The following TTC17 variants were observed in gnomAD, a reference collection of about 807,000 sequenced individuals.
The protein encoded by TTC17 is tetratricopeptide repeat domain 17, also known as tetratricopeptide repeat protein 17.
In TTC17, 58 loss-of-function variants were observed where a neutral mutation model predicts 143.8. The observed-to-expected ratio is 0.40, with a 90% confidence interval of 0.33 to 0.50. The LOEUF (loss-of-function observed/expected upper bound fraction) is 0.50, where lower values mean the gene tolerates loss of function less well. TTC17 is among the 20% of genes least tolerant of loss of function. TTC17 has a pLI of 0.49. For missense variants in TTC17, 1,273 were observed against 1,392.5 expected, an observed-to-expected ratio of 0.91 and a Z score of 1.37; for synonymous variants, 501 against 497.8, an observed-to-expected ratio of 1.01 and a Z score of -0.09.
intron 2 of TTC17, 97 bp downstream of exon 2, chr11:43,379,419 T>C (rs1590325776): frequency 9.4e-6 from 10 of 1,068,792 alleles, no homozygotes; most frequent in Non-Finnish European, 1.4e-5. Context: ...ATTTTTTAAG[T>C]CTGAGTCTTC....
chr11:43,456,215 A>ACACCG (rs1564971024), intron 21 of TTC17, among the ~76,000 whole-genome samples: 1 of 142,216 alleles, frequency 7.0e-6, no homozygotes, highest in Non-Finnish European at 1.5e-5. Context: ...CACACACACC[A>ACACCG]CTTAGCAGAA....
chr11:43,370,084 G>T, intron 1 of TTC17: 1 of 455,506 alleles, frequency 2.2e-6, no homozygotes, highest in Non-Finnish European at 4.4e-6. Context: ...GACAGTTATA[G>T]CCAGGAGCCC....
chr11:43,378,894 A>G (rs112982812), intron 1 of TTC17: 2,888 of 232,826 alleles, frequency 0.012, 43 homozygotes, highest in South Asian at 0.025. Context: ...AAACAAGACA[A>G]TTCATTTTTT....
At position 43,407,131 on chromosome 11, in the gene TTC17, G is replaced by A. The variant is rs1858177774; in HGVS notation, c.1762-7G>A. On this transcript the variant is annotated splice_polypyrimidine_tract_variant and splice_region_variant and intron_variant, in intron 13 of 23. Coordinates refer to ENST00000039989, the MANE Select transcript of TTC17 (RefSeq NM_018259.6). ...CAATTGAGTCAGTCTTCCTTTTGAT[G>A]TTTCAGATTTTGCTTTCCCGTATTA... 1 of 1,559,254 alleles carries A rather than the reference G, an allele frequency of 6.4e-7. No individual in the cohort carries two copies. The highest frequency in any genetic ancestry group is 8.7e-7 in the Non-Finnish European group (1 of 1,156,032).
At chr11:43,359,344 G>C in intron 1 of TTC17, 1 of 494,184 alleles carries the variant, frequency 2.0e-6, no homozygotes, top group Non-Finnish European at 3.4e-6. Flanking sequence ...CTTCCACCTC[G>C]CGGGCCGCGC....
Position 43,399,955 on chromosome 11 carries a change from C to G in TTC17, c.1126C>G (p.Gln376Glu), listed in dbSNP as rs774154526. 2.5e-6 allele frequency: 4 copies of G among 1,613,884 alleles called. No individual in the cohort carries two copies. The highest frequency in any genetic ancestry group is 3.4e-6 in the Non-Finnish European group (4 of 1,179,910). The change falls in exon 9 of 24, where the codon CAG (glutamine) becomes GAG (glutamate). Residue 376 changes from glutamine to glutamate, a missense_variant. By Grantham distance (29) the Gln-to-Glu change is conservative (BLOSUM62 2). Transcript: ENST00000039989. Reference sequence around the variant, plus strand: ...GCAGCATGACCACTACCTGAGACAGCAGGAAATCCTAGAAAAACATAAACT... The same window carrying G: ...GCAGCATGACCACTACCTGAGACAGGAGGAAATCCTAGAAAAACATAAACT... The part of the protein sequence containing the change: ...QKQHDHYLRQ[Q>E]EILEKHKLIQ...
chr11:43,396,670 C>A, intron 5 of TTC17, 39 bp from the exon 6 acceptor site: 1 of 1,292,102 alleles, frequency 7.7e-7, no homozygotes, highest in South Asian at 1.4e-5. Flanking sequence ...GTTAAACTGT[C>A]TTGAGTCGTG....
intron 16 of TTC17, among the ~76,000 whole-genome samples, chr11:43,428,845 A>G (rs991331121): frequency 3.3e-5 from 5 of 151,454 alleles, no homozygotes; most frequent in African/African-American, 1.2e-4. Context: ...TTTCCTGTAA[A>G]CTCTTCTGAC....
chr11:43,365,655 T>C (rs1472965378), intron 1 of TTC17, among the ~76,000 whole-genome samples: 1 of 152,230 alleles, frequency 6.6e-6, no homozygotes, highest in African/African-American at 2.4e-5. Context: ...TAAGTAGTTC[T>C]CAAACTTTAC....
intron 21 of TTC17, among the ~76,000 whole-genome samples, chr11:43,480,567 T>C (rs1287313974): frequency 6.6e-6 from 1 of 152,028 alleles, no homozygotes; most frequent in Non-Finnish European, 1.5e-5. Context: ...GCTAAGCAAA[T>C]AAAATGACAA....
intron 16 of TTC17, among the ~76,000 whole-genome samples, chr11:43,427,397 C>CTTA (rs918224302): frequency 2.0e-5 from 3 of 152,114 alleles, no homozygotes; most frequent in Non-Finnish European, 2.9e-5. Context: ...ACTCACTGAC[C>CTTA]GTAAGAACTT....
intron 1 of TTC17, among the ~76,000 whole-genome samples, chr11:43,368,914 G>A (rs980554653): frequency 6.6e-6 from 1 of 152,156 alleles, no homozygotes; most frequent in African/African-American, 2.4e-5. Context: ...CCAGCCCTCG[G>A]GATGTTCTTC....
At chr11:43,397,920 GT>G in intron 7 of TTC17, 53 bp from the exon 8 acceptor site, 1 of 998,788 alleles carries the variant, frequency 1.0e-6, no homozygotes, top group Non-Finnish European at 1.4e-6. Context: ...GTGTGTGTGT[GT>G]GTGTGTGTGT....
Position 43,394,333 on chromosome 11 carries a change from A to G in TTC17, c.664-2376A>G, listed in dbSNP as rs372686947. ...GCTGAGAAGTTGGAGCAGAGAAGCA[A>G]TGTATTGCAATTAATAGTTGAAAAG... On this transcript the variant is annotated intron_variant, in intron 5 of 23. Coordinates refer to ENST00000039989, the MANE Select transcript of TTC17 (RefSeq NM_018259.6). Among the ~76,000 whole-genome samples the G allele has an allele frequency of 7.9e-5, 12 of 152,346 alleles. No homozygotes were observed. The South Asian group carries it at 1.4e-3, about 18-fold the overall frequency.
At chr11:43,465,659 AC>A (rs1301145216) in intron 21 of TTC17, among the ~76,000 whole-genome samples, 2 of 152,212 alleles carry the variant, frequency 1.3e-5, no homozygotes, top group Non-Finnish European at 2.9e-5. Context: ...ATAATTTTCC[AC>A]ACGGGTACCA....
intron 1 of TTC17, among the ~76,000 whole-genome samples, chr11:43,371,351 A>G (rs1266351402): frequency 4.6e-5 from 7 of 152,174 alleles, no homozygotes; most frequent in Non-Finnish European, 8.8e-5. Context: ...CTTCTAACCA[A>G]CCAGCTTCAA....
rs774452052 is a variant in TTC17 at position 43,391,869 on chromosome 11, G to T, written c.580G>T (p.Asp194Tyr). The change falls in exon 5 of 24, where the codon GAC becomes TAC. Residue 194 changes from aspartate (D) to tyrosine (Y), a missense_variant. Physicochemically the swap from Asp to Tyr is radical, Grantham distance 160 (BLOSUM62 -3). Around this residue, in one of 3 missense-constraint regions of TTC17, gnomAD observed 325 missense variants for 444.2 expected, o/e 0.73. Transcript: ENST00000039989. ...NLSAPLLPKE[D>Y]PIFTYLSKRL... ...TTCTGCACCTCTGCTACCTAAAGAA[G>T]ACCCAATCTTCACATATTTATCTAA... 4.3e-6 allele frequency: 7 copies of T among 1,613,792 alleles called. No homozygotes were observed. In the South Asian group the frequency reaches 6.6e-5, roughly 15 times the overall value.
chr11:43,445,016 T>C (rs1425321559), intron 18 of TTC17, among the ~76,000 whole-genome samples: 2 of 152,180 alleles, frequency 1.3e-5, no homozygotes, highest in Non-Finnish European at 2.9e-5. Flanking sequence ...GAAAGATTAT[T>C]GATCATGGGA....
At chr11:43,406,520 GAAA>G (rs1008042025) in intron 13 of TTC17, among the ~76,000 whole-genome samples, 1 of 144,026 alleles carries the variant, frequency 6.9e-6, no homozygotes, top group African/African-American at 2.6e-5. Context: ...AGATAAAAAT[GAAA>G]AAAAAAATTA....
Sources: allele counts gnomAD v4.1 joint callset (sites outside exome capture counted in the v4.1 genomes callset), GRCh38; gene constraint gnomAD v4.1.1; regional missense constraint gnomAD v4.1.1; transcripts MANE v1.5; gene names NCBI Gene and HGNC (gene_info 2026-07-23, HGNC 2026-07-21).